The following BMPR1B variants were observed in gnomAD, a reference collection of about 807,000 sequenced individuals.
BMPR1B encodes the protein bone morphogenetic protein receptor type 1B.
Under a neutral mutation model 59.1 loss-of-function variants are expected in BMPR1B, and 12 were observed. The observed-to-expected ratio is 0.20, with a 90% CI of 0.13 to 0.33. The LOEUF is 0.33. BMPR1B is among the 10% of genes least tolerant of loss of function. BMPR1B has a pLI of 1.00. For missense variants in BMPR1B, 550 were observed against 610.9 expected (o/e 0.90, Z 1.05); for synonymous variants, 237 against 207.3 (o/e 1.14, Z -1.23).
intron 2 of BMPR1B, among the ~76,000 whole-genome samples, chr4:94,876,524 G>T (rs1289573948): frequency 6.6e-6 from 1 of 152,102 alleles, no homozygotes; most frequent in Non-Finnish European, 1.5e-5. Flanking sequence ...AATTCAATTT[G>T]TTCTTCACAA....
chr4:95,057,892 A>G (rs1012737007), intron 3 of BMPR1B, among the ~76,000 whole-genome samples: 1 of 152,202 alleles, frequency 6.6e-6, no homozygotes, highest in Non-Finnish European at 1.5e-5. Context: ...GAATTCAGCA[A>G]ATGTTACTAC....
At chr4:94,850,653 G>C (rs766505269) in intron 1 of BMPR1B, among the ~76,000 whole-genome samples, 1 of 152,036 alleles carries the variant, frequency 6.6e-6, no homozygotes, top group Non-Finnish European at 1.5e-5. Context: ...AATCTTTTGG[G>C]CATCTGTGGT....
At chr4:94,948,085 A>G (rs1172018341) in intron 2 of BMPR1B, among the ~76,000 whole-genome samples, 2 of 152,212 alleles carry the variant, frequency 1.3e-5, no homozygotes, top group Non-Finnish European at 2.9e-5. Flanking sequence ...CACATCAGAC[A>G]GGGTGGAGAC....
chr4:94,877,883 G>A (rs1274649630), intron 2 of BMPR1B, among the ~76,000 whole-genome samples: 1 of 152,036 alleles, frequency 6.6e-6, no homozygotes, highest in Admixed American at 6.6e-5. Context: ...GACAAATTTG[G>A]TAGCAAAAGG....
At chr4:94,988,650 G>A (rs1333586494) in intron 2 of BMPR1B, among the ~76,000 whole-genome samples, 1 of 152,096 alleles carries the variant, frequency 6.6e-6, no homozygotes, top group Non-Finnish European at 1.5e-5. Flanking sequence ...TATTAACTGA[G>A]CAGCCAATAC....
intron 2 of BMPR1B, among the ~76,000 whole-genome samples, chr4:94,960,314 T>C (rs948701542): frequency 5.3e-5 from 8 of 152,166 alleles, no homozygotes; most frequent in Non-Finnish European, 8.8e-5. Context: ...AAATCTCCTG[T>C]ATACTAGACC....
At chr4:95,101,283 C>A (rs368192525) in intron 3 of BMPR1B, among the ~76,000 whole-genome samples, 42 of 152,150 alleles carry the variant, frequency 2.8e-4, no homozygotes, top group African/African-American at 1.0e-3. Flanking sequence ...GTACTCCTGC[C>A]CTCTTCTGTG....
At chr4:94,924,464 C>T (rs1361080089) in intron 2 of BMPR1B, among the ~76,000 whole-genome samples, 3 of 152,040 alleles carry the variant, frequency 2.0e-5, no homozygotes, top group African/African-American at 7.2e-5. Context: ...ATAAATACAT[C>T]CTTGTTTACC....
intron 2 of BMPR1B, among the ~76,000 whole-genome samples, chr4:94,928,093 A>G (rs1190222855): frequency 6.6e-6 from 1 of 151,986 alleles, no homozygotes; most frequent in East Asian, 1.9e-4. Flanking sequence ...TTGCTCTAGT[A>G]GGCGAAAGTC....
intron 1 of BMPR1B, among the ~76,000 whole-genome samples, chr4:94,808,380 A>T (rs1031506290): frequency 6.6e-6 from 1 of 152,204 alleles, no homozygotes; most frequent in African/African-American, 2.4e-5. Context: ...ATTTGATAAT[A>T]TAGCAACATT....
At chr4:94,863,112 T>C (rs1002658424) in intron 1 of BMPR1B, among the ~76,000 whole-genome samples, 2 of 151,898 alleles carry the variant, frequency 1.3e-5, no homozygotes, top group Non-Finnish European at 2.9e-5. Flanking sequence ...GTGAGACTCG[T>C]CTCAAAAAAA....
At chr4:94,762,997 C>T (rs566463553) in intron 1 of BMPR1B, among the ~76,000 whole-genome samples, 7 of 151,978 alleles carry the variant, frequency 4.6e-5, no homozygotes, top group Non-Finnish European at 8.8e-5. Flanking sequence ...CACTTCTTTA[C>T]TTCACCTCAA....
intron 10 of BMPR1B, among the ~76,000 whole-genome samples, chr4:95,147,371 G>A (rs1290208175): frequency 6.6e-6 from 1 of 152,160 alleles, no homozygotes; most frequent in African/African-American, 2.4e-5. Context: ...ATTTCATGTT[G>A]TAGAAGTGGT....
intron 7 of BMPR1B, 51 bp from the exon 8 acceptor site, chr4:95,124,932 T>C (rs1462601795): frequency 6.5e-7 from 1 of 1,547,150 alleles, no homozygotes; most frequent in Non-Finnish European, 8.9e-7. Context: ...AATATTTTAC[T>C]CCATCATTGC....
chr4:94,926,290 C>T (rs1421294505), intron 2 of BMPR1B, among the ~76,000 whole-genome samples: 2 of 151,718 alleles, frequency 1.3e-5, no homozygotes, highest in East Asian at 1.9e-4. Flanking sequence ...TTATAGGTTT[C>T]GCAAATTTTG....
At chr4:94,941,488 G>A (rs1451691399) in intron 2 of BMPR1B, among the ~76,000 whole-genome samples, 1 of 151,036 alleles carries the variant, frequency 6.6e-6, no homozygotes, top group South Asian at 2.1e-4. Flanking sequence ...TAAATATTTA[G>A]CAGTTGAAAA....
At chr4:94,902,046 G>GGTGTGTGTGTGTGTGTGTGTGT (rs34068392) in intron 2 of BMPR1B, among the ~76,000 whole-genome samples, 2 of 119,184 alleles carry the variant, frequency 1.7e-5, no homozygotes, top group African/African-American at 7.9e-5. Flanking sequence ...CAGACTGCAT[G>GGTGTGTGTGTGTGTGTGTGTGT]GTGTGTGTGT....
intron 2 of BMPR1B, among the ~76,000 whole-genome samples, chr4:94,934,574 C>T (rs577184134): frequency 2.0e-5 from 3 of 150,430 alleles, no homozygotes; most frequent in Non-Finnish European, 2.9e-5. Context: ...TGCCAGGATA[C>T]GACTGAGACT....
At chr4:95,100,585 A>C (rs1730747657) in intron 3 of BMPR1B, among the ~76,000 whole-genome samples, 1 of 152,114 alleles carries the variant, frequency 6.6e-6, no homozygotes, top group Non-Finnish European at 1.5e-5. Context: ...TTAGGAACTC[A>C]TGAGTTTTCA....
Sources: gnomAD v4.1 joint callset for allele counts (sites outside exome capture counted in the v4.1 genomes callset) on GRCh38, gnomAD v4.1.1 for gene constraint, MANE v1.5 for transcripts, NCBI Gene and HGNC (gene_info 2026-07-23, HGNC 2026-07-21) for gene names.